INPPL1: variants seen among roughly 807,000 people sequenced by gnomAD.
INPPL1 encodes phosphatidylinositol 3,4,5-trisphosphate 5-phosphatase 2.
INPPL1 carries 91 observed loss-of-function variants against 139.3 expected under a neutral mutation model. The ratio of observed to expected loss-of-function variants is 0.65; its 90% CI spans 0.55 to 0.78. The LOEUF (loss-of-function observed/expected upper bound fraction) is 0.78, where lower values mean the gene tolerates loss of function less well. Ranked by LOEUF, INPPL1 falls within the 30% of genes least tolerant of loss-of-function variation. INPPL1 has a pLI of 0.00. For synonymous variants in INPPL1, 719 were observed against 686.6 expected, an observed-to-expected ratio of 1.05 and a Z score of -0.74; for missense variants, 1,411 against 1,665.6, an observed-to-expected ratio of 0.85 and a Z score of 2.66.
At chr11:72,231,259 A>G in intron 12 of INPPL1, 70 bp downstream of exon 12, 5 of 1,433,118 alleles carry the variant, frequency 3.5e-6, no homozygotes, top group Non-Finnish European at 3.8e-6. Context: ...ACTTGACTTC[A>G]TGGGCAACCC....
chr11:72,235,148 G>A lies in INPPL1; in HGVS notation c.2448G>A (p.Leu816=). The A allele has an allele frequency of 3.7e-6, 6 of 1,614,006 alleles. No homozygotes were observed. The highest frequency in any genetic ancestry group is 5.1e-6 in the Non-Finnish European group (6 of 1,180,002). ...LKPILADIEY[L]QDQHLLLTVK... ...CAATTCTGGCTGATATCGAGTACCT[G>A]CAGGACCAGCACCTCCTGCTCACAG... The change falls in exon 22 of 28, where the codon CTG becomes CTA. Residue 816 remains leucine (L), a synonymous_variant. Transcript: ENST00000298229. This position sits in a 1 kb window ranked among gnomAD's most constrained non-coding sequence, Gnocchi z 4.9.
chr11:72,237,955 C>G, intron 26 of INPPL1, 87 bp from the exon 27 acceptor site: 5 of 1,468,042 alleles, frequency 3.4e-6, no homozygotes, highest in Non-Finnish European at 4.5e-6. Flanking sequence ...CCTTCCCTTC[C>G]TTTTCCCCAG....
chr11:72,225,655 G>T, intron 1 of INPPL1: 1 of 380,460 alleles, frequency 2.6e-6, no homozygotes, highest in Non-Finnish European at 3.6e-6. Flanking sequence ...TGTATGGGTG[G>T]TGGGGGCGGT....
Position 72,228,655 on chromosome 11 carries a change from C to G in INPPL1, c.398-72C>G. 1.3e-6 allele frequency: 2 copies of G among 1,568,458 alleles called. No homozygotes were observed. The highest frequency in any genetic ancestry group is 8.7e-7 in the Non-Finnish European group (1 of 1,154,682). ...CCCTCTTTCCATGGAAGTCACTTTA[C>G]AGCTGCATCGTGCCTCCTACTCCAC... On this transcript the variant is annotated intron_variant, in intron 3 of 27. Transcript: ENST00000298229. The surrounding 1 kb of genome is among the most constrained non-coding windows in gnomAD (Gnocchi z 5.0).
intron 7 of INPPL1, 24 bp downstream of exon 7, chr11:72,229,776 C>T (rs1005517470): frequency 1.2e-6 from 2 of 1,604,174 alleles, no homozygotes; most frequent in African/African-American, 1.3e-5. Flanking sequence ...TGACCCTTGA[C>T]CCCCGATTCA....
rs764395196 is a variant in INPPL1, at chr11:72,228,159, G to A, written c.183-31G>A. 1 of 1,613,316 alleles carries A rather than the reference G, an allele frequency of 6.2e-7. No homozygotes were observed. The highest frequency in any genetic ancestry group is 2.2e-5 in the East Asian group (1 of 44,868). Reference sequence around the variant, plus strand: ...TTGGGTCTTAGACCCCAGCCTGGGGGTGACAGATTCTGGCCCTGCCTTGGC... The same window carrying A: ...TTGGGTCTTAGACCCCAGCCTGGGGATGACAGATTCTGGCCCTGCCTTGGC... On this transcript the variant is annotated intron_variant, in intron 1 of 27. Coordinates refer to ENST00000298229, the MANE Select transcript of INPPL1 (RefSeq NM_001567.4). The surrounding 1 kb of genome is among the most constrained non-coding windows in gnomAD (Gnocchi z 5.0).
Position 72,235,670 on chromosome 11 carries a change from C to G in INPPL1, c.2660-5C>G. On this transcript the variant is annotated splice_polypyrimidine_tract_variant and splice_region_variant and intron_variant, in intron 23 of 27. Transcript: ENST00000298229. This position sits in a 1 kb window ranked among gnomAD's most constrained non-coding sequence, Gnocchi z 4.9. ...TCCTCTGAGTCTCCCTTCCTGCCCCCTCAGAGTGGATCAGCATTGATAAGG... is the reference window on the plus strand; with the variant it reads ...TCCTCTGAGTCTCCCTTCCTGCCCCGTCAGAGTGGATCAGCATTGATAAGG... 1.2e-6 allele frequency: 2 copies of G among 1,613,954 alleles called. No individual in the cohort carries two copies. The highest frequency in any genetic ancestry group is 4.5e-5 in the East Asian group (2 of 44,876).
intron 1 of INPPL1, chr11:72,227,932 T>C: frequency 1.9e-6 from 1 of 526,616 alleles, no homozygotes; most frequent in Non-Finnish European, 3.4e-6. Context: ...TCTCAGGCCC[T>C]GCCCTGTGGT....
rs556625332 is a variant in INPPL1, at chr11:72,234,745, G to C, written c.2415+130G>C. ...AGAGAGAGAGAGAGTGTGTGTGTGT[G>C]TGTGTGTGTGTGTGTGTGTATGGGC... On this transcript the variant is annotated intron_variant, in intron 21 of 27. Coordinates refer to ENST00000298229, the MANE Select transcript of INPPL1 (RefSeq NM_001567.4). The surrounding 1 kb of genome is among the most constrained non-coding windows in gnomAD (Gnocchi z 4.2). The C allele has an allele frequency of 1.6e-6, 1 of 641,546 alleles. No homozygotes were observed. 39.7% of individuals were successfully genotyped at this position (641,546 alleles called of 1,614,324 possible). A position where few individuals can be genotyped will look rare whatever the true frequency, so the allele number is the denominator to read the frequency against.
intron 1 of INPPL1, among the ~76,000 whole-genome samples, chr11:72,226,868 G>A (rs1424162798): frequency 6.6e-6 from 1 of 152,110 alleles, no homozygotes; most frequent in African/African-American, 2.4e-5. Context: ...CTGTGTCTGG[G>A]TGAGGAACAT....
At position 72,232,623 on chromosome 11, in the gene INPPL1, T is replaced by C. The variant is rs1334969774; in HGVS notation, c.1713-3T>C. 1 of 1,613,314 alleles carries C rather than the reference T, an allele frequency of 6.2e-7. No homozygotes were observed. Among genetic ancestry groups the C allele is most frequent in the Non-Finnish European group, 8.5e-7 (1 of 1,179,884 alleles). On this transcript the variant is annotated splice_region_variant and splice_polypyrimidine_tract_variant and intron_variant, in intron 14 of 27. Transcript: ENST00000298229. ...CCTCCCCACCACGCACCCCTCACCCTAGGAGGAACCAAAACTACTTGGACA... is the reference window on the plus strand; with the variant it reads ...CCTCCCCACCACGCACCCCTCACCCCAGGAGGAACCAAAACTACTTGGACA...
Position 72,224,952 on chromosome 11 carries a change from C to T in INPPL1, c.-33C>T. The T allele has an allele frequency of 1.0e-5, 11 of 1,067,608 alleles. No homozygotes were observed. Among genetic ancestry groups the T allele is most frequent in the Non-Finnish European group, 1.2e-5 (11 of 884,130 alleles). The allele number at this position is 1,067,608 out of a possible 1,614,324, so 66.1% of individuals were successfully genotyped here. On this transcript the variant is annotated 5_prime_UTR_variant, in exon 1 of 28. Coordinates refer to ENST00000298229, the MANE Select transcript of INPPL1 (RefSeq NM_001567.4). ...TCTCGGGGCGGATGGCGCGGGGCGGCGGGGGCGGGCGGTGCTGAGCCCTGC... is the reference window on the plus strand; with the variant it reads ...TCTCGGGGCGGATGGCGCGGGGCGGTGGGGGCGGGCGGTGCTGAGCCCTGC...
Position 72,230,342 on chromosome 11 carries a change from A to T in INPPL1, c.1091-20A>T. The T allele has an allele frequency of 6.2e-7, 1 of 1,613,776 alleles. No homozygotes were observed. Among genetic ancestry groups the T allele is most frequent in the Non-Finnish European group, 8.5e-7 (1 of 1,179,902 alleles). The stretch of plus-strand genomic sequence containing the variant: ...TGGCCTAGGGGCACAGGCCCATGTG[A>T]CCGGTCCTCCATGCCCTAGTCCGCC... On this transcript the variant is annotated intron_variant, in intron 9 of 27. Coordinates refer to ENST00000298229, the MANE Select transcript of INPPL1 (RefSeq NM_001567.4).
Position 72,228,484 on chromosome 11 carries a change from A to G in INPPL1, c.383A>G (p.Asp128Gly). The G allele has an allele frequency of 6.2e-7, 1 of 1,607,762 alleles. No individual in the cohort carries two copies. The highest frequency in any genetic ancestry group is 8.5e-7 in the Non-Finnish European group (1 of 1,179,956). The change falls in exon 3 of 28, where the codon GAC becomes GGC. Residue 128 changes from aspartate to glycine, a missense_variant. Asp to Gly is a moderately conservative substitution (Grantham distance 94). Around this residue, in one of 5 missense-constraint regions of INPPL1, gnomAD observed 504 missense variants for 595.6 expected, o/e 0.85. Coordinates refer to ENST00000298229, the MANE Select transcript of INPPL1 (RefSeq NM_001567.4). This position sits in a 1 kb window ranked among gnomAD's most constrained non-coding sequence, Gnocchi z 5.0. Reference protein sequence around the residue: ...EGEREPDPPDDRDASDGEDEK... With the variant: ...EGEREPDPPDGRDASDGEDEK... ...GAGCGAGAGCCGGACCCACCGGATG[A>G]CCGGGATGCCTCAGGTACTTCCCAG...
At chr11:72,224,249 C>G (rs1307476849), upstream of INPPL1, among the ~76,000 whole-genome samples, 1 of 150,726 alleles carries the variant, frequency 6.6e-6, no homozygotes, top group African/African-American at 2.4e-5. Context: ...GGGGACGGTT[C>G]CCGTGGAGTT....
At chr11:72,229,035 A>G in intron 4 of INPPL1, 55 bp from the exon 5 acceptor site, 1 of 1,559,104 alleles carries the variant, frequency 6.4e-7, no homozygotes, top group East Asian at 2.3e-5. Context: ...GATGGGGCAG[A>G]GGTGCTGGGA....
intron 1 of INPPL1, among the ~76,000 whole-genome samples, chr11:72,226,787 AC>A (rs1490829900): frequency 2.0e-5 from 3 of 151,916 alleles, no homozygotes; most frequent in Non-Finnish European, 4.4e-5. Flanking sequence ...TCTGAGGCAT[AC>A]CCCCTAATTA....
rs1232222285 is a variant in INPPL1 at position 72,238,545 on chromosome 11, C to T, written c.*192C>T. 1.3e-5 allele frequency: 6 copies of T among 476,848 alleles called. No individual in the cohort carries two copies. The highest frequency in any genetic ancestry group is 4.3e-5 in the South Asian group (1 of 23,522). The allele number at this position is 476,848 out of a possible 1,614,324, so 29.5% of individuals were successfully genotyped here. On this transcript the variant is annotated 3_prime_UTR_variant, in exon 28 of 28. Transcript: ENST00000298229. ...CAATGCCCTAATTAGGGCATCCTGC[C>T]CCTCGCCTTTTAGGCTCAGGACGGA...
Position 72,228,906 on chromosome 11 carries a change from C to T in INPPL1, c.518+59C>T. Reference sequence around the variant, plus strand: ...CCCTTTCTCCTCTGAGAACTATTTCCCTACCAAAGGTGGGGAGGCCTTCTA... The same window carrying T: ...CCCTTTCTCCTCTGAGAACTATTTCTCTACCAAAGGTGGGGAGGCCTTCTA... On this transcript the variant is annotated intron_variant, in intron 4 of 27. Transcript: ENST00000298229. This position sits in a 1 kb window ranked among gnomAD's most constrained non-coding sequence, Gnocchi z 5.0. 2 of 1,529,514 alleles carry T rather than the reference C, an allele frequency of 1.3e-6. No individual in the cohort carries two copies. Among genetic ancestry groups the T allele is most frequent in the South Asian group, 1.3e-5 (1 of 77,498 alleles). 94.7% of individuals were successfully genotyped at this position (1,529,514 alleles called of 1,614,324 possible).
Sources: gnomAD v4.1 joint callset for allele counts (sites outside exome capture counted in the v4.1 genomes callset) on GRCh38, gnomAD v4.1.1 for gene constraint, gnomAD v4.1.1 regional missense constraint, Gnocchi (gnomAD v3.1) non-coding constraint, MANE v1.5 for transcripts, NCBI Gene and HGNC (gene_info 2026-07-23, HGNC 2026-07-21) for gene names.